Variants in FGF14 observed in about 807,000 individuals in gnomAD.
FGF14 encodes the protein fibroblast growth factor homologous factor 4.
FGF14 carries 5 observed loss-of-function variants against 25.5 expected under a neutral mutation model. The observed-to-expected ratio is 0.20, with a 90% confidence interval of 0.10 to 0.41. The LOEUF is 0.41. Among genes scored for constraint, FGF14 ranks in the 10% least tolerant of loss-of-function variants. The pLI is 1.00. For synonymous variants in FGF14, 138 were observed against 118.3 expected, an observed-to-expected ratio of 1.17 and a Z score of -1.08; for missense variants, 222 against 320.1, an observed-to-expected ratio of 0.69 and a Z score of 2.34.
At chr13:102,372,852 G>A (rs1329694982) in intron 1 of FGF14, among the ~76,000 whole-genome samples, 1 of 152,092 alleles carries the variant, frequency 6.6e-6, no homozygotes, top group East Asian at 1.9e-4. Context: ...CTACTGTGAA[G>A]CTTTATATGC....
chr13:101,822,853 C>G lies in FGF14; in HGVS notation c.408+45872G>C, dbSNP rs190162921. 3.9e-4 allele frequency among the ~76,000 whole-genome samples: 59 copies of G among 152,300 alleles called. 1 individual carries two copies. The highest frequency in any genetic ancestry group is 1.1e-3 in the African/African-American group (44 of 41,564). On this transcript the variant is annotated intron_variant, in intron 3 of 4. Coordinates refer to ENST00000376143, the MANE Select transcript of FGF14 (RefSeq NM_004115.4). Reference sequence around the variant, plus strand: ...CCACTACTTAACTACATTTTTGTATCTATTAACTAATCTCTCTTCATCCTT... The same window carrying G: ...CCACTACTTAACTACATTTTTGTATGTATTAACTAATCTCTCTTCATCCTT...
At chr13:102,259,919 C>T (rs1308838084) in intron 1 of FGF14, among the ~76,000 whole-genome samples, 1 of 152,204 alleles carries the variant, frequency 6.6e-6, no homozygotes, top group Non-Finnish European at 1.5e-5. Context: ...CTTTTAAAAA[C>T]ATAAGTATAA....
At chr13:102,177,934 G>C (rs1383746814) in intron 1 of FGF14, among the ~76,000 whole-genome samples, 1 of 151,968 alleles carries the variant, frequency 6.6e-6, no homozygotes, top group East Asian at 1.9e-4. Context: ...CACAAGCCAT[G>C]ATATCAATTC....
chr13:101,991,448 A>G (rs1349547536), intron 1 of FGF14, among the ~76,000 whole-genome samples: 2 of 152,162 alleles, frequency 1.3e-5, no homozygotes, highest in African/African-American at 2.4e-5. Context: ...TGTGTAGCCT[A>G]TGATTAGTTC....
At chr13:102,236,833 T>G (rs1480815549) in intron 1 of FGF14, among the ~76,000 whole-genome samples, 5 of 152,060 alleles carry the variant, frequency 3.3e-5, no homozygotes, top group African/African-American at 4.8e-5. Context: ...CTAGAGCAGG[T>G]GCAGGGTGAT....
chr13:101,797,774 T>TGTGTGTGCGTGC (rs1566914284), intron 3 of FGF14, among the ~76,000 whole-genome samples: 1 of 147,322 alleles, frequency 6.8e-6, no homozygotes, highest in African/African-American at 2.5e-5. Context: ...TGTGTGTGTG[T>TGTGTGTGCGTGC]GTGTGTGTTC....
intron 3 of FGF14, among the ~76,000 whole-genome samples, chr13:101,824,327 G>A (rs1469331623): frequency 6.6e-6 from 1 of 152,088 alleles, no homozygotes; most frequent in Non-Finnish European, 1.5e-5. Flanking sequence ...TTTACTTTGT[G>A]TGTGTGCGCG....
intron 3 of FGF14, among the ~76,000 whole-genome samples, chr13:101,732,919 TAG>T (rs2035905280): frequency 6.6e-6 from 1 of 152,230 alleles, no homozygotes; most frequent in South Asian, 2.1e-4. Context: ...TTTGATCTAC[TAG>T]AGTTTATCTG....
intron 1 of FGF14, among the ~76,000 whole-genome samples, chr13:102,241,506 C>G (rs956303801): frequency 3.3e-5 from 5 of 152,060 alleles, no homozygotes; most frequent in Admixed American, 1.3e-4. Flanking sequence ...ATGAAGATTT[C>G]TTTGTTGAAT....
At chr13:101,819,314 T>G (rs1328515741) in intron 3 of FGF14, among the ~76,000 whole-genome samples, 1 of 152,216 alleles carries the variant, frequency 6.6e-6, no homozygotes, top group Non-Finnish European at 1.5e-5. Flanking sequence ...ATAAGACAGT[T>G]ATTTCTCTTA....
upstream of FGF14, among the ~76,000 whole-genome samples, chr13:101,919,364 C>T (rs1485521908): frequency 6.6e-6 from 1 of 151,438 alleles, no homozygotes; most frequent in African/African-American, 2.4e-5. Flanking sequence ...CCTCTTAAAT[C>T]TAGTATGACT....
chr13:102,205,868 C>A (rs1394648980), intron 1 of FGF14, among the ~76,000 whole-genome samples: 1 of 151,006 alleles, frequency 6.6e-6, no homozygotes, highest in Non-Finnish European at 1.5e-5. Flanking sequence ...GCAACTCACA[C>A]ACTCCTAGTG....
At chr13:102,211,834 A>G (rs555705807) in intron 1 of FGF14, among the ~76,000 whole-genome samples, 7 of 152,324 alleles carry the variant, frequency 4.6e-5, no homozygotes, top group Admixed American at 3.9e-4. Context: ...AGCACTCTAG[A>G]TCGCTTTTCA....
intron 1 of FGF14, among the ~76,000 whole-genome samples, chr13:102,401,210 TAA>T (rs112789825): frequency 1.5e-4 from 20 of 136,604 alleles, no homozygotes; most frequent in African/African-American, 3.2e-4. Context: ...CCAAATACAT[TAA>T]AAAAAAAAAA....
At chr13:101,948,250 G>A (rs530089955) in intron 1 of FGF14, among the ~76,000 whole-genome samples, 23 of 152,176 alleles carry the variant, frequency 1.5e-4, no homozygotes, top group African/African-American at 5.5e-4. Flanking sequence ...TCATCCACAT[G>A]TATTTTGAAA....
intron 1 of FGF14, among the ~76,000 whole-genome samples, chr13:102,191,216 A>G (rs2049109593): frequency 6.6e-6 from 1 of 152,232 alleles, no homozygotes; most frequent in South Asian, 2.1e-4. Flanking sequence ...TACCTGAGGC[A>G]TCTATAAAAT....
At chr13:102,133,441 C>T (rs1015311821) in intron 1 of FGF14, among the ~76,000 whole-genome samples, 1 of 152,024 alleles carries the variant, frequency 6.6e-6, no homozygotes, top group African/African-American at 2.4e-5. Context: ...AACATGTGTG[C>T]ATTTAAGTAT....
At chr13:102,210,955 G>A (rs2050132417) in intron 1 of FGF14, among the ~76,000 whole-genome samples, 1 of 152,034 alleles carries the variant, frequency 6.6e-6, no homozygotes, top group African/African-American at 2.4e-5. Flanking sequence ...TCTTGTCTTA[G>A]GCGGTGAACA....
intron 1 of FGF14, among the ~76,000 whole-genome samples, chr13:102,372,555 C>G (rs1737137641): frequency 6.6e-6 from 1 of 152,136 alleles, no homozygotes; most frequent in Admixed American, 6.6e-5. Flanking sequence ...ATCCCCTATC[C>G]TCTATATTCT....
Sources: allele counts gnomAD v4.1 joint callset (sites outside exome capture counted in the v4.1 genomes callset), GRCh38; gene constraint gnomAD v4.1.1; transcripts MANE v1.5; gene names NCBI Gene and HGNC (gene_info 2026-07-23, HGNC 2026-07-21).